The following RANBP2 variants were observed in gnomAD, a reference collection of about 807,000 sequenced individuals.
The protein encoded by RANBP2 is RAN binding protein 2.
In RANBP2, 57 loss-of-function variants were observed where a neutral mutation model predicts 303.6. The ratio of observed to expected loss-of-function variants is 0.19; its 90% CI spans 0.15 to 0.23. The LOEUF is 0.23. Among genes scored for constraint, RANBP2 ranks in the 10% least tolerant of loss-of-function variants. The pLI is 1.00. For synonymous variants in RANBP2, 1,167 were observed against 1,301.5 expected (o/e 0.90, Z 2.23); for missense variants, 3,138 against 3,780.8 (o/e 0.83, Z 4.46).
At chr2:109,671,005 G>C in the RANBP2 span, among the ~76,000 whole-genome samples, 1 of 152,228 alleles carries the variant, frequency 6.6e-6, no homozygotes, top group African/African-American at 2.4e-5. Context: ...CAAAAGGAGA[G>C]GCTGGACTTC....
chr2:109,513,579 C>T, the RANBP2 span, among the ~76,000 whole-genome samples: 1 of 152,064 alleles, frequency 6.6e-6, no homozygotes, highest in Non-Finnish European at 1.5e-5. Context: ...ACACAAGCCA[C>T]GTGCATGCAC....
the RANBP2 span, among the ~76,000 whole-genome samples, chr2:109,583,116 G>A: frequency 1.3e-5 from 2 of 152,204 alleles, no homozygotes; most frequent in South Asian, 4.1e-4. Flanking sequence ...CATTGGCCTT[G>A]GAAAAGAATT....
At chr2:109,002,226 T>TCTGGCC in the RANBP2 span, among the ~76,000 whole-genome samples, 7 of 152,362 alleles carry the variant, frequency 4.6e-5, no homozygotes, top group East Asian at 1.2e-3. Flanking sequence ...GACCCAGGTT[T>TCTGGCC]CTGGCCCTGG....
the RANBP2 span, among the ~76,000 whole-genome samples, chr2:109,275,585 C>T: frequency 1.2e-4 from 19 of 152,244 alleles, no homozygotes; most frequent in South Asian, 4.2e-4. Context: ...AAGAGTGCCC[C>T]GCACCCGCCG....
At chr2:108,932,506 GCGA>G in the RANBP2 span, among the ~76,000 whole-genome samples, 1 of 142,482 alleles carries the variant, frequency 7.0e-6, no homozygotes, top group African/African-American at 2.7e-5. Flanking sequence ...TCCAGCCTGG[GCGA>G]CAGAGTGAGA....
At chr2:109,726,093 G>GTGTT in the RANBP2 span, among the ~76,000 whole-genome samples, 1 of 150,958 alleles carries the variant, frequency 6.6e-6, no homozygotes, top group Non-Finnish European at 1.5e-5. Flanking sequence ...GTGTGTGTGT[G>GTGTT]TGTGTTTGTG....
chr2:108,781,393 A>C lies in RANBP2; in HGVS notation c.8724A>C (p.Glu2908Asp), dbSNP rs755042065. The change falls in exon 26 of 29, where the codon GAA becomes GAC. Residue 2908 changes from glutamate (E) to aspartate (D), a missense_variant. Glu to Asp is a conservative substitution (Grantham distance 45). Coordinates refer to ENST00000283195, the MANE Select transcript of RANBP2 (RefSeq NM_006267.5). The part of the protein sequence containing the change: ...DGSDEEVVHN[E>D]DIHFEPIVSL... The stretch of plus-strand genomic sequence containing the variant: ...GTGATGAAGAAGTAGTTCATAATGA[A>C]GATATCCATTTTGAACCAATAGTGT... 1.9e-6 allele frequency: 3 copies of C among 1,614,184 alleles called. No homozygotes were observed. The South Asian group carries it at 3.3e-5, about 18-fold the overall frequency.
chr2:109,212,378 C>T, the RANBP2 span, among the ~76,000 whole-genome samples: 8 of 152,206 alleles, frequency 5.3e-5, no homozygotes, highest in African/African-American at 1.9e-4. Context: ...GCTGGTTATA[C>T]GTGACTATAA....
At chr2:109,676,759 T>C in the RANBP2 span, among the ~76,000 whole-genome samples, 3 of 152,184 alleles carry the variant, frequency 2.0e-5, no homozygotes, top group Admixed American at 6.5e-5. Flanking sequence ...AGTTTAGTCC[T>C]TCTGTGAGCT....
At chr2:108,942,863 G>A in the RANBP2 span, among the ~76,000 whole-genome samples, 1 of 152,248 alleles carries the variant, frequency 6.6e-6, no homozygotes, top group East Asian at 1.9e-4. Flanking sequence ...TTAAGTTTGA[G>A]CGGGTAGGAT....
At chr2:109,673,852 A>G in the RANBP2 span, among the ~76,000 whole-genome samples, 1 of 152,102 alleles carries the variant, frequency 6.6e-6, no homozygotes. Context: ...AGGGATCTCC[A>G]TTGTCTATAT....
At chr2:109,018,482 C>T in the RANBP2 span, among the ~76,000 whole-genome samples, 1 of 152,216 alleles carries the variant, frequency 6.6e-6, no homozygotes, top group African/African-American at 2.4e-5. Context: ...CCCCCACCAT[C>T]CTCCTGATTA....
rs767942122 is a variant in RANBP2 at position 108,764,533 on chromosome 2, A to G, written c.3994A>G (p.Lys1332Glu). 3.7e-6 allele frequency: 6 copies of G among 1,613,896 alleles called. No individual in the cohort carries two copies. The African/African-American group carries it at 5.3e-5, about 14-fold the overall frequency. Residue 1332 changes from lysine to glutamate, a missense_variant, in exon 20 of 29, where the codon AAG becomes GAG. By Grantham distance (56) the Lys-to-Glu change is moderately conservative (BLOSUM62 1). This residue lies in a region of RANBP2 where 388 missense variants were observed against 328.5 expected (regional missense o/e 1.18). Transcript: ENST00000283195. ...IVKEPTSHDNKDICKSDAGNL... is the reference protein window; with the variant it reads ...IVKEPTSHDNEDICKSDAGNL... Reference sequence around the variant, plus strand: ...AAAAGAACCCACAAGTCATGATAACAAGGATATTTGCAAATCTGATGCTGG... The same window carrying G: ...AAAAGAACCCACAAGTCATGATAACGAGGATATTTGCAAATCTGATGCTGG...
At chr2:108,789,286 AT>A (rs1003226013), downstream of RANBP2, among the ~76,000 whole-genome samples, 4 of 151,730 alleles carry the variant, frequency 2.6e-5, no homozygotes, top group East Asian at 1.9e-4. Flanking sequence ...TTCTTTAAAA[AT>A]TTTTTTTTAG....
At chr2:108,781,551 G>A in intron 26 of RANBP2, 122 bp downstream of exon 26, 1 of 891,790 alleles carries the variant, frequency 1.1e-6, no homozygotes, top group Non-Finnish European at 1.7e-6. Flanking sequence ...TGAAATGGAA[G>A]CTCTATTTAT....
the RANBP2 span, among the ~76,000 whole-genome samples, chr2:109,737,741 A>AT: frequency 1.3e-5 from 2 of 151,984 alleles, no homozygotes; most frequent in Non-Finnish European, 2.9e-5. Flanking sequence ...AGTATTTGTT[A>AT]TTTTTTTGTG....
the RANBP2 span, among the ~76,000 whole-genome samples, chr2:109,022,537 G>A: frequency 6.6e-6 from 1 of 152,168 alleles, no homozygotes; most frequent in Non-Finnish European, 1.5e-5. Flanking sequence ...AATTGTAAGT[G>A]GGAGTTAAAC....
the RANBP2 span, among the ~76,000 whole-genome samples, chr2:108,915,600 C>A: frequency 6.6e-6 from 1 of 152,172 alleles, no homozygotes; most frequent in African/African-American, 2.4e-5. Context: ...AACCAGTGTT[C>A]TTATTAGGGA....
chr2:109,623,000 G>A, the RANBP2 span, among the ~76,000 whole-genome samples: 29 of 152,200 alleles, frequency 1.9e-4, no homozygotes, highest in African/African-American at 7.0e-4. Context: ...GGTGGCACAG[G>A]CCTGTAATCC....
Sources: allele counts gnomAD v4.1 joint callset (sites outside exome capture counted in the v4.1 genomes callset), GRCh38; gene constraint gnomAD v4.1.1; regional missense constraint gnomAD v4.1.1; transcripts MANE v1.5; gene names NCBI Gene and HGNC (gene_info 2026-07-23, HGNC 2026-07-21).